RPA1: variants seen among roughly 807,000 people sequenced by gnomAD.
RPA1 encodes replication protein A 70 kDa DNA-binding subunit.
A neutral mutation model predicts 83.0 loss-of-function variants in RPA1; 49 were observed. The observed-to-expected ratio is 0.59, with a 90% CI of 0.47 to 0.75. The LOEUF (loss-of-function observed/expected upper bound fraction) is 0.75. RPA1 is among the 30% of genes least tolerant of loss of function. The pLI, the probability that RPA1 is intolerant of heterozygous loss-of-function variation, is 0.00. For synonymous variants in RPA1, 279 were observed against 281.8 expected (o/e 0.99, Z 0.10); for missense variants, 693 against 776.1 (o/e 0.89, Z 1.27).
At chr17:1,851,129 A>G (rs182751343) in intron 4 of RPA1, among the ~76,000 whole-genome samples, 1 of 152,304 alleles carries the variant, frequency 6.6e-6, no homozygotes, top group East Asian at 1.9e-4. Context: ...CTCAGACATC[A>G]TATTATTTCA....
At chr17:1,891,378 A>G (rs187076755) in intron 14 of RPA1, among the ~76,000 whole-genome samples, 1 of 151,802 alleles carries the variant, frequency 6.6e-6, no homozygotes, top group African/African-American at 2.4e-5. Flanking sequence ...AATGCAGAGA[A>G]CTCCCCCGAT....
At chr17:1,843,717 G>A (rs1296676964) in intron 2 of RPA1, among the ~76,000 whole-genome samples, 1 of 151,578 alleles carries the variant, frequency 6.6e-6, no homozygotes, top group East Asian at 1.9e-4. Flanking sequence ...TTCCCTCTCT[G>A]TTGTGTTTAA....
chr17:1,889,182 T>C (rs1253955297), intron 14 of RPA1, among the ~76,000 whole-genome samples: 1 of 152,200 alleles, frequency 6.6e-6, no homozygotes, highest in Non-Finnish European at 1.5e-5. Flanking sequence ...GTCACTTTCA[T>C]GTGGATAATC....
intron 1 of RPA1, among the ~76,000 whole-genome samples, chr17:1,831,070 G>A (rs542087610): frequency 6.6e-6 from 1 of 151,974 alleles, no homozygotes; most frequent in Admixed American, 6.6e-5. Flanking sequence ...CTGGCCCCAA[G>A]GCAATTCCAT....
intron 5 of RPA1, among the ~76,000 whole-genome samples, chr17:1,862,940 A>C (rs374613265): frequency 6.6e-6 from 1 of 151,280 alleles, no homozygotes; most frequent in Non-Finnish European, 1.5e-5. Flanking sequence ...CTAGTCTCGA[A>C]CTGCTGACCT....
At chr17:1,863,906 T>C (rs1913080557) in intron 5 of RPA1, among the ~76,000 whole-genome samples, 1 of 152,234 alleles carries the variant, frequency 6.6e-6, no homozygotes, top group Admixed American at 6.5e-5. Flanking sequence ...ATTTGTGATA[T>C]AATTTATAGA....
intron 4 of RPA1, among the ~76,000 whole-genome samples, chr17:1,850,338 CCTGG>C (rs1263229060): frequency 2.3e-4 from 34 of 147,412 alleles, no homozygotes; most frequent in East Asian, 1.7e-3. Flanking sequence ...TCAAGACCAG[CCTGG>C]CTGGCCAACA....
intron 5 of RPA1, among the ~76,000 whole-genome samples, chr17:1,863,184 ATTTAT>A (rs71375562): frequency 0.016 from 2,282 of 138,854 alleles, 69 homozygotes; most frequent in East Asian, 0.064. Flanking sequence ...CGCCCAACTA[ATTTAT>A]TTTATTTTAT....
chr17:1,836,406 G>T (rs942949081), intron 1 of RPA1, among the ~76,000 whole-genome samples: 1 of 151,982 alleles, frequency 6.6e-6, no homozygotes, highest in African/African-American at 2.4e-5. Flanking sequence ...CACCATGCCC[G>T]GCCAAATTGC....
intron 6 of RPA1, among the ~76,000 whole-genome samples, chr17:1,874,319 AG>A (rs2151284930): frequency 6.6e-6 from 1 of 152,208 alleles, no homozygotes; most frequent in South Asian, 2.1e-4. Context: ...AGCCAAACAT[AG>A]TGAGACCCGA....
chr17:1,890,422 G>A (rs1168990222), intron 14 of RPA1, among the ~76,000 whole-genome samples: 1 of 152,078 alleles, frequency 6.6e-6, no homozygotes, highest in Admixed American at 6.6e-5. Flanking sequence ...CAGCACTTTG[G>A]GAGGCTGAGG....
intron 14 of RPA1, among the ~76,000 whole-genome samples, chr17:1,889,603 A>G (rs182230582): frequency 1.3e-4 from 20 of 152,164 alleles, no homozygotes; most frequent in Non-Finnish European, 1.9e-4. Flanking sequence ...AGCCTTCCAA[A>G]GTGCTGGCAT....
chr17:1,883,025 TC>T (rs1282757495), intron 12 of RPA1, among the ~76,000 whole-genome samples: 1 of 152,112 alleles, frequency 6.6e-6, no homozygotes, highest in African/African-American at 2.4e-5. Context: ...TTCCGTTTCT[TC>T]AGTAGACTTT....
At chr17:1,841,511 C>T (rs947441696) in intron 1 of RPA1, among the ~76,000 whole-genome samples, 1 of 152,150 alleles carries the variant, frequency 6.6e-6, no homozygotes, top group Non-Finnish European at 1.5e-5. Context: ...ACCATGTTGG[C>T]CAGGCTGGTC....
At chr17:1,874,979 T>C (rs1013192646) in intron 6 of RPA1, among the ~76,000 whole-genome samples, 8 of 152,242 alleles carry the variant, frequency 5.3e-5, no homozygotes, top group African/African-American at 1.9e-4. Context: ...TGCAGATACG[T>C]GGTGCGTATA....
rs138268342 is a variant in RPA1, at chr17:1,831,898, C to CTTTTTTT, written c.33+1792_33+1798dup. Among the ~76,000 whole-genome samples, 120 of 37,836 alleles carry CTTTTTTT rather than the reference C, an allele frequency of 3.2e-3. 7 individuals are homozygous for CTTTTTTT. Among genetic ancestry groups the CTTTTTTT allele is most frequent in the African/African-American group, 0.01 (112 of 10,870 alleles). 24.8% of individuals were successfully genotyped at this position (37,836 alleles called of 152,430 possible). On this transcript the variant is annotated intron_variant, in intron 1 of 16. Coordinates refer to ENST00000254719, the MANE Select transcript of RPA1 (RefSeq NM_002945.5). ...ACAGGCGTGAGCCACTGTGCCCGGC[C>CTTTTTTT]TTTTTTTTTTTTTTTTTTTTTTTTT...
At chr17:1,834,861 AC>A (rs1420341937) in intron 1 of RPA1, among the ~76,000 whole-genome samples, 10 of 151,758 alleles carry the variant, frequency 6.6e-5, no homozygotes, top group African/African-American at 2.4e-4. Context: ...TGCTTTATAT[AC>A]TTACTAGGGA....
chr17:1,836,074 A>G (rs1451997906), intron 1 of RPA1, among the ~76,000 whole-genome samples: 1 of 152,064 alleles, frequency 6.6e-6, no homozygotes, highest in Non-Finnish European at 1.5e-5. Context: ...AATCACTGTC[A>G]TTGACATTTT....
At chr17:1,869,256 G>A (rs924119508) in intron 5 of RPA1, among the ~76,000 whole-genome samples, 4 of 152,176 alleles carry the variant, frequency 2.6e-5, no homozygotes, top group Non-Finnish European at 5.9e-5. Flanking sequence ...TCCTGTTTCG[G>A]CCGGGCATGG....
Sources: gnomAD v4.1 joint callset for allele counts (sites outside exome capture counted in the v4.1 genomes callset) on GRCh38, gnomAD v4.1.1 for gene constraint, MANE v1.5 for transcripts, NCBI Gene and HGNC (gene_info 2026-07-23, HGNC 2026-07-21) for gene names.